FASN: variants seen among roughly 807,000 people sequenced by gnomAD.
FASN encodes 3-hydroxyacyl-[acyl-carrier-protein] dehydratase.
Under a neutral mutation model 250.0 loss-of-function variants are expected in FASN, and 50 were observed. The ratio of observed to expected loss-of-function variants is 0.20; its 90% CI spans 0.16 to 0.25. FASN has a LOEUF of 0.25. FASN is among the 10% of genes least tolerant of loss of function. The probability of loss-of-function intolerance (pLI) is 1.00; values close to 1 mark genes in which losing one functional copy is unlikely to be tolerated. For synonymous variants in FASN, 1,909 were observed against 1,584.0 expected (o/e 1.21, Z -4.87); for missense variants, 3,031 against 3,498.5 (o/e 0.87, Z 3.37).
Position 82,079,578 on chromosome 17 carries a change from G to C in FASN, c.7177C>G (p.Leu2393Val). Reference sequence around the variant, plus strand: ...ACGGCGGCTGCCACACGCTCCTCTAGGCCCTTCAGCGGCAGCAGCGCCTCC... The same window carrying C: ...ACGGCGGCTGCCACACGCTCCTCTACGCCCTTCAGCGGCAGCAGCGCCTCC... ...VLEALLPLKG[L>V]EERVAAAVDL... The change falls in exon 42 of 43, where the codon CTA becomes GTA. Residue 2393 changes from leucine to valine, a missense_variant. Leu to Val is a conservative substitution (Grantham distance 32). Coordinates refer to ENST00000306749, the MANE Select transcript of FASN (RefSeq NM_004104.5). The C allele has an allele frequency of 6.2e-7, 1 of 1,603,684 alleles. No individual in the cohort carries two copies. Among genetic ancestry groups the C allele is most frequent in the Non-Finnish European group, 8.5e-7 (1 of 1,179,874 alleles).
rs2033936502 is a variant in FASN at position 82,078,886 on chromosome 17, T to TGCGGGC, written c.*251_*256dup. 2 of 577,118 alleles carry TGCGGGC rather than the reference T, an allele frequency of 3.5e-6. No individual in the cohort carries two copies. Among genetic ancestry groups the TGCGGGC allele is most frequent in the South Asian group, 2.0e-5 (1 of 50,136 alleles). 35.7% of individuals were successfully genotyped at this position (577,118 alleles called of 1,614,324 possible). ...GGCGCACGAGGCCCAGCCCAGTTCC[T>TGCGGGC]GCGGGCACGGGCACCACCGGCTCTT... On this transcript the variant is annotated 3_prime_UTR_variant, in exon 43 of 43. Transcript: ENST00000306749. This position sits in a 1 kb window ranked among gnomAD's most constrained non-coding sequence, Gnocchi z 5.4.
Position 82,093,258 on chromosome 17 carries a change from G to C in FASN, c.616C>G (p.Leu206Val), listed in dbSNP as rs761025190. 2.5e-6 allele frequency: 4 copies of C among 1,593,868 alleles called. No homozygotes were observed. Among genetic ancestry groups the C allele is most frequent in the Non-Finnish European group, 3.4e-6 (4 of 1,171,170 alleles). The change falls in exon 5 of 43, where the codon CTC becomes GTC. Residue 206 changes from leucine to valine, a missense_variant. Transcript: ENST00000306749. ...GCCTTGCAGGTGCCCTCGGGGCTGA[G>C]CATCCCCAGCCTCAAGAACTGCACG... ...TSVQFLRLGM[L>V]SPEGTCKAFD...
intron 31 of FASN, 26 bp from the exon 32 acceptor site, chr17:82,083,451 A>G (rs1598574940): frequency 6.2e-7 from 1 of 1,612,490 alleles, no homozygotes; most frequent in African/African-American, 1.3e-5. Flanking sequence ...GTGCTCACCC[A>G]GGGCCTTCCA....
At position 82,093,471 on chromosome 17, in the gene FASN, C is replaced by T. The variant is rs774786471; in HGVS notation, c.455-52G>A. The T allele has an allele frequency of 5.7e-6, 9 of 1,579,848 alleles. No individual in the cohort carries two copies. The Admixed American group carries it at 1.1e-4, about 19-fold the overall frequency. ...GTGGGGCTGTGAGCACACGAGACCC[C>T]TGAGCACACCTCCTGCCACCAGGCT... On this transcript the variant is annotated intron_variant, in intron 4 of 42. Coordinates refer to ENST00000306749, the MANE Select transcript of FASN (RefSeq NM_004104.5).
chr17:82,080,060 C>T, intron 41 of FASN, 80 bp downstream of exon 41: 1 of 1,442,878 alleles, frequency 6.9e-7, no homozygotes, highest in Non-Finnish European at 9.7e-7. Flanking sequence ...CTCTTCGCGT[C>T]CCATCCCATC....
intron 37 of FASN, 95 bp downstream of exon 37, chr17:82,081,506 G>C: frequency 6.3e-7 from 1 of 1,594,722 alleles, no homozygotes; most frequent in East Asian, 2.2e-5. Context: ...CTGCAGATGG[G>C]GAAACTGAGG....
rs769777252 is a variant in FASN at position 82,093,015 on chromosome 17, A to G, written c.660T>C (p.Asn220=). The change falls in exon 6 of 43, where the codon AAT becomes AAC. Residue 220 remains asparagine, a synonymous_variant. Transcript: ENST00000306749. ...GTCKAFDTAG[N]GYCRSEGVVA... is the part of the protein sequence containing the mutation. ...CCACACCCTCCGAGCGGCAGTACCC[A>G]TTCCCTGGGTAGAGCAGCACCTCAG... The G allele has an allele frequency of 1.9e-6, 3 of 1,611,986 alleles. No individual in the cohort carries two copies. Among genetic ancestry groups the G allele is most frequent in the Middle Eastern group, 1.7e-4 (1 of 5,768 alleles).
Position 82,081,997 on chromosome 17 carries a change from G to A in FASN, c.6163+12C>T, listed in dbSNP as rs201811014. ...AGGGTGGGCAGGGTCGAGGGGAGAGGGTGGGGCCCACCTGGGAGGCCTTCG... is the reference window on the plus strand; with the variant it reads ...AGGGTGGGCAGGGTCGAGGGGAGAGAGTGGGGCCCACCTGGGAGGCCTTCG... On this transcript the variant is annotated intron_variant, in intron 36 of 42. Coordinates refer to ENST00000306749, the MANE Select transcript of FASN (RefSeq NM_004104.5). 769 of 1,604,712 alleles carry A rather than the reference G, an allele frequency of 4.8e-4. 5 individuals are homozygous for A. The African/African-American group carries it at 8.3e-3, about 17-fold the overall frequency.
At chr17:82,086,201 G>A (rs1362747852) in intron 22 of FASN, 53 bp downstream of exon 22, 5 of 1,534,952 alleles carry the variant, frequency 3.3e-6, no homozygotes, top group Non-Finnish European at 4.4e-6. Flanking sequence ...CTGATGTCAG[G>A]GTGGGTCCTA....
At chr17:82,079,909 C>T (rs749761194) in intron 41 of FASN, 14 of 630,308 alleles carry the variant, frequency 2.2e-5, no homozygotes, top group African/African-American at 7.3e-5. Flanking sequence ...GGTTTCTCCA[C>T]GTTGGTCAGG....
chr17:82,093,028 A>G lies in FASN; in HGVS notation c.656-9T>C. On this transcript the variant is annotated splice_polypyrimidine_tract_variant and intron_variant, in intron 5 of 42. Transcript: ENST00000306749. ...GCGGCAGTACCCATTCCCTGGGTAG[A>G]GCAGCACCTCAGGCCCGGGGCTCAG... 1 of 1,611,682 alleles carries G rather than the reference A, an allele frequency of 6.2e-7. No individual in the cohort carries two copies. Among genetic ancestry groups the G allele is most frequent in the Non-Finnish European group, 8.5e-7 (1 of 1,179,774 alleles).
chr17:82,089,870 C>T lies in FASN; in HGVS notation c.1871-144G>A, dbSNP rs994651541. ...TGGAGCCTTCATGAGAAAGGTTCGC[C>T]CCCTGCTGTGTTTGACCCGTGGGTG... On this transcript the variant is annotated intron_variant, in intron 11 of 42. Coordinates refer to ENST00000306749, the MANE Select transcript of FASN (RefSeq NM_004104.5). The T allele has an allele frequency of 2.0e-5, 15 of 768,682 alleles. No homozygotes were observed. The African/African-American group carries it at 2.2e-4, about 11-fold the overall frequency. The allele number at this position is 768,682 out of a possible 1,614,324, so 47.6% of individuals were successfully genotyped here.
chr17:82,093,561 G>T (rs759162598), intron 4 of FASN, 37 bp downstream of exon 4: 1 of 1,612,292 alleles, frequency 6.2e-7, no homozygotes, highest in Non-Finnish European at 8.5e-7. Context: ...GGGACCTGAA[G>T]GCCACCCACC....
At chr17:82,080,654 G>C in intron 39 of FASN, 38 bp downstream of exon 39, 1 of 1,555,618 alleles carries the variant, frequency 6.4e-7, no homozygotes, top group South Asian at 1.2e-5. Context: ...GTGATGGCCA[G>C]CACTGACCAC....
At chr17:82,093,884 A>C in intron 3 of FASN, 113 bp from the exon 4 acceptor site, 2 of 1,105,620 alleles carry the variant, frequency 1.8e-6, no homozygotes, top group Non-Finnish European at 2.5e-6. Context: ...GCTTGGGGTG[A>C]GGGGGGGTCC....
chr17:82,090,980 TCA>T lies in FASN; in HGVS notation c.1580_1581del (p.Val527GlufsTer20), dbSNP rs1194469182. 1 of 1,612,788 alleles carries T rather than the reference TCA, an allele frequency of 6.2e-7. No homozygotes were observed. The highest frequency in any genetic ancestry group is 1.3e-5 in the African/African-American group (1 of 74,928). On this transcript the variant is annotated frameshift_variant, in exon 10 of 43. Transcript: ENST00000306749. LOFTEE classifies it high-confidence loss of function. ...RDSILRSDEA[V>X]KPFGLKVSQL... is the part of the protein sequence containing the mutation. Reference sequence around the variant, plus strand: ...TGTGACACCTTCAGGCCGAATGGCTTCACAGCCTCATCGGAGCGTAGGATGGA... The same window carrying T: ...TGTGACACCTTCAGGCCGAATGGCTTCAGCCTCATCGGAGCGTAGGATGGA...
At position 82,081,821 on chromosome 17, in the gene FASN, G is replaced by A. The variant is rs1349730744; in HGVS notation, c.6186C>T (p.Ala2062=). The A allele has an allele frequency of 1.2e-6, 2 of 1,610,244 alleles. No homozygotes were observed. The highest frequency in any genetic ancestry group is 2.2e-5 in the East Asian group (1 of 44,854). ...CCACCAAAATGCCCACGTCGCCGAT[G>A]GCGCCCCACTGCACGGCCAGGCCTG... ...GLPGLAVQWG[A]IGDVGILVET... Residue 2062 remains alanine, a synonymous_variant, in exon 37 of 43, where the codon GCC becomes GCT. Transcript: ENST00000306749.
rs2034036070 is a variant in FASN, at chr17:82,083,818, C to T, written c.5172G>A (p.Arg1724=). The stretch of plus-strand genomic sequence containing the variant: ...GCACATGCTGCTCGAAGGATGTGTC[C>T]CGGGAGTTGGCGAAGCTGGTGCTGT... ...QLDSTSFANS[R]DTSFEQHVLW... is the part of the protein sequence containing the mutation. The change falls in exon 30 of 43, where the codon CGG becomes CGA. Residue 1724 remains arginine, a synonymous_variant. Coordinates refer to ENST00000306749, the MANE Select transcript of FASN (RefSeq NM_004104.5). 1.9e-6 allele frequency: 3 copies of T among 1,607,584 alleles called. No homozygotes were observed. Among genetic ancestry groups the T allele is most frequent in the Non-Finnish European group, 2.5e-6 (3 of 1,178,026 alleles).
rs773319906 is a variant in FASN, at chr17:82,080,955, T to A, written c.6596-33A>T. 5 of 1,562,162 alleles carry A rather than the reference T, an allele frequency of 3.2e-6. No individual in the cohort carries two copies. In the African/African-American group the frequency reaches 6.7e-5, roughly 21 times the overall value. On this transcript the variant is annotated intron_variant, in intron 38 of 42. Coordinates refer to ENST00000306749, the MANE Select transcript of FASN (RefSeq NM_004104.5). ...GACAGGGGCAGATGCCAGGCTGGTC[T>A]GGGTGCAGAGCCCTGGCACCCACGC...
Sources: gnomAD v4.1 joint callset for allele counts on GRCh38, gnomAD v4.1.1 for gene constraint, Gnocchi (gnomAD v3.1) non-coding constraint, MANE v1.5 for transcripts, NCBI Gene and HGNC (gene_info 2026-07-23, HGNC 2026-07-21) for gene names.